The following STIMATE variants were observed in gnomAD, a reference collection of about 807,000 sequenced individuals.
STIMATE encodes the protein store-operated calcium entry regulator STIMATE.
Under a neutral mutation model 36.7 loss-of-function variants are expected in STIMATE, and 15 were observed. That is an observed-to-expected ratio of 0.41 (90% CI 0.27 to 0.63). The LOEUF (loss-of-function observed/expected upper bound fraction) is 0.63, where lower values mean the gene tolerates loss of function less well. Among genes scored for constraint, STIMATE ranks in the 20% least tolerant of loss-of-function variants. STIMATE has a pLI of 0.32. For missense variants in STIMATE, 305 were observed against 397.3 expected, an observed-to-expected ratio of 0.77 and a Z score of 1.98; for synonymous variants, 163 against 162.3, an observed-to-expected ratio of 1.00 and a Z score of -0.03.
In STIMATE at chr3:52,859,478, G is replaced by A. The variant is rs538624305; in HGVS notation, c.161-4034C>T. 6.6e-4 allele frequency among the ~76,000 whole-genome samples: 37 copies of A among 55,972 alleles called. No individual in the cohort carries two copies. The East Asian group carries it at 0.02, about 31-fold the overall frequency. 36.7% of individuals were successfully genotyped at this position (55,972 alleles called of 152,430 possible). On this transcript the variant is annotated intron_variant, in intron 1 of 7. Coordinates refer to ENST00000355083, the MANE Select transcript of STIMATE (RefSeq NM_198563.5). ...GGCCAGGAGTTTGAGACCAGCCTGA[G>A]CAACAAAGCAAGACCCATTTCTCCA...
Position 52,840,555 on chromosome 3 carries a change from C to A in STIMATE, c.824G>T (p.Arg275Leu), listed in dbSNP as rs200273687. 3.7e-6 allele frequency: 6 copies of A among 1,613,994 alleles called. No individual in the cohort carries two copies. Among genetic ancestry groups the A allele is most frequent in the Admixed American group, 3.3e-5 (2 of 60,018 alleles). Residue 275 changes from arginine (R) to leucine (L), a missense_variant, in exon 8 of 8, where the codon CGC becomes CTC. By Grantham distance (102) the Arg-to-Leu change is moderately radical. Coordinates refer to ENST00000355083, the MANE Select transcript of STIMATE (RefSeq NM_198563.5). ...CACAGGCTTGAGGGGGGTCAGTCTGCGGAGGTCCTCCTCCACGTCGGACTC... is the reference window on the plus strand; with the variant it reads ...CACAGGCTTGAGGGGGGTCAGTCTGAGGAGGTCCTCCTCCACGTCGGACTC... ...MEESDVEEDL[R>L]RLTPLKPVKK...
At chr3:52,866,470 G>A (rs191523643) in intron 1 of STIMATE, among the ~76,000 whole-genome samples, 145 of 152,210 alleles carry the variant, frequency 9.5e-4, no homozygotes, top group Admixed American at 6.6e-3. Flanking sequence ...CCATGCTCAC[G>A]CCCTCCCCTG....
chr3:52,864,879 C>T (rs1321747699), intron 1 of STIMATE, among the ~76,000 whole-genome samples: 2 of 152,166 alleles, frequency 1.3e-5, no homozygotes, highest in Admixed American at 6.5e-5. Flanking sequence ...CATCTGAGAC[C>T]ACCTCAGCCT....
rs1050913305 is a variant in STIMATE, at chr3:52,838,132, G to C, written c.*2362C>G. On this transcript the variant is annotated 3_prime_UTR_variant, in exon 8 of 8. Transcript: ENST00000355083. Reference sequence around the variant, plus strand: ...TACTAGCCACAGCTCAGAGACTAAAGCCCTTTCTGAAAATCAGGATACAGG... The same window carrying C: ...TACTAGCCACAGCTCAGAGACTAAACCCCTTTCTGAAAATCAGGATACAGG... The C allele has an allele frequency of 5.6e-4, 86 of 152,348 alleles. No individual in the cohort carries two copies. Among genetic ancestry groups the C allele is most frequent in the African/African-American group, 2.0e-3 (82 of 41,564 alleles). The allele number at this position is 152,348 out of a possible 1,614,324, so 9.4% of individuals were successfully genotyped here.
intron 1 of STIMATE, among the ~76,000 whole-genome samples, chr3:52,891,466 G>A (rs1203616467): frequency 1.3e-5 from 2 of 152,208 alleles, no homozygotes; most frequent in African/African-American, 2.4e-5. Flanking sequence ...AAAAGCCAGC[G>A]ACTTGAAGCA....
At chr3:52,857,964 G>A (rs946068446) in intron 1 of STIMATE, among the ~76,000 whole-genome samples, 1 of 152,136 alleles carries the variant, frequency 6.6e-6, no homozygotes, top group Admixed American at 6.5e-5. Flanking sequence ...ATCCTTATAA[G>A]AGGAGGAGAT....
rs1428253628 is a variant in STIMATE at position 52,840,487 on chromosome 3, G to C, written c.*7C>G. ...GGCCCTCCCGTCACCCCCAGCATGG[G>C]AATGTGTCATACGGGTAGCCCAAAG... On this transcript the variant is annotated 3_prime_UTR_variant, in exon 8 of 8. Coordinates refer to ENST00000355083, the MANE Select transcript of STIMATE (RefSeq NM_198563.5). 6 of 1,613,204 alleles carry C rather than the reference G, an allele frequency of 3.7e-6. No individual in the cohort carries two copies. Among genetic ancestry groups the C allele is most frequent in the African/African-American group, 1.3e-5 (1 of 74,870 alleles).
chr3:52,845,910 G>A (rs1700888382), intron 4 of STIMATE, among the ~76,000 whole-genome samples: 1 of 145,938 alleles, frequency 6.9e-6, no homozygotes, highest in South Asian at 2.4e-4. Flanking sequence ...GCCAGAAGAG[G>A]GGGTACAGGG....
chr3:52,841,339 T>C (rs1378981268), intron 7 of STIMATE, among the ~76,000 whole-genome samples: 2 of 152,262 alleles, frequency 1.3e-5, no homozygotes, highest in East Asian at 1.9e-4. Flanking sequence ...AGAAAGCATC[T>C]GTGGGCAGGG....
intron 1 of STIMATE, among the ~76,000 whole-genome samples, chr3:52,873,258 T>C (rs1701439715): frequency 6.6e-6 from 1 of 152,198 alleles, no homozygotes; most frequent in African/African-American, 2.4e-5. Flanking sequence ...GAGGGGGCAT[T>C]ATCACTGTAT....
At chr3:52,851,855 C>G (rs529327279) in intron 3 of STIMATE, among the ~76,000 whole-genome samples, 1 of 152,284 alleles carries the variant, frequency 6.6e-6, no homozygotes, top group East Asian at 1.9e-4. Flanking sequence ...CATGTGGGCC[C>G]TGGAAGCCAG....
At chr3:52,895,668 C>T (rs1160289291) in intron 1 of STIMATE, among the ~76,000 whole-genome samples, 1 of 152,248 alleles carries the variant, frequency 6.6e-6, no homozygotes, top group Admixed American at 6.5e-5. Flanking sequence ...GCCCTGTCAT[C>T]ATCACATTTC....
chr3:52,883,425 T>C (rs1701642087), intron 1 of STIMATE, among the ~76,000 whole-genome samples: 1 of 152,210 alleles, frequency 6.6e-6, no homozygotes, highest in Admixed American at 6.5e-5. Context: ...TTAGTGTGAT[T>C]TTCTTTGTGT....
At chr3:52,849,482 C>T (rs1028062207) in intron 4 of STIMATE, among the ~76,000 whole-genome samples, 4 of 152,190 alleles carry the variant, frequency 2.6e-5, no homozygotes, top group African/African-American at 4.8e-5. Flanking sequence ...AGAGTCCCTG[C>T]GGGCCTGTGT....
chr3:52,857,300 C>T (rs1331272346), intron 1 of STIMATE, among the ~76,000 whole-genome samples: 2 of 152,198 alleles, frequency 1.3e-5, no homozygotes, highest in African/African-American at 4.8e-5. Flanking sequence ...AGATCCCAAA[C>T]CTCAACAACG....
chr3:52,863,373 T>A (rs747467469), intron 1 of STIMATE, among the ~76,000 whole-genome samples: 1 of 152,112 alleles, frequency 6.6e-6, no homozygotes, highest in Non-Finnish European at 1.5e-5. Flanking sequence ...GATAAAATCA[T>A]CAGATCTTGT....
chr3:52,849,395 C>T (rs887360665), intron 4 of STIMATE, among the ~76,000 whole-genome samples: 2 of 152,164 alleles, frequency 1.3e-5, no homozygotes, highest in African/African-American at 4.8e-5. Flanking sequence ...TGAACACCTT[C>T]GAAAAATGAG....
chr3:52,870,053 G>A lies in STIMATE; in HGVS notation c.161-14609C>T, dbSNP rs977097842. ...GGAGGAAGAGTAAATCTTTAAGCAC[G>A]AAGTCCACCTGCAGGAAACAAGAAA... On this transcript the variant is annotated intron_variant, in intron 1 of 7. Transcript: ENST00000355083. Among the ~76,000 whole-genome samples the A allele has an allele frequency of 6.0e-5, 9 of 151,068 alleles. No individual in the cohort carries two copies. In the South Asian group the frequency reaches 8.3e-4, roughly 14 times the overall value.
intron 1 of STIMATE, among the ~76,000 whole-genome samples, chr3:52,866,282 C>G (rs1440028672): frequency 6.6e-6 from 1 of 152,274 alleles, no homozygotes; most frequent in Non-Finnish European, 1.5e-5. Flanking sequence ...ACAATTTGAT[C>G]GCTGAAGAGG....
Sources: gnomAD v4.1 joint callset for allele counts (sites outside exome capture counted in the v4.1 genomes callset) on GRCh38, gnomAD v4.1.1 for gene constraint, MANE v1.5 for transcripts, NCBI Gene and HGNC (gene_info 2026-07-23, HGNC 2026-07-21) for gene names.